Variants in BCL2L11 observed in about 807,000 individuals in gnomAD.
BCL2L11 encodes BCL2 like 11.
BCL2L11 carries 15 observed loss-of-function variants against 20.6 expected under a neutral mutation model. That is an observed-to-expected ratio of 0.73 (90% CI 0.49 to 1.12). The LOEUF is 1.12. BCL2L11 is among the 50% of genes most tolerant of loss of function. The probability of loss-of-function intolerance (pLI) is 0.00; values close to 1 mark genes in which losing one functional copy is unlikely to be tolerated. For synonymous variants in BCL2L11, 108 were observed against 92.8 expected, an observed-to-expected ratio of 1.16 and a Z score of -0.94; for missense variants, 292 against 260.9, an observed-to-expected ratio of 1.12 and a Z score of -0.82.
chr2:111,139,274 C>T (rs544074246), intron 2 of BCL2L11, among the ~76,000 whole-genome samples: 9 of 152,134 alleles, frequency 5.9e-5, no homozygotes, highest in Non-Finnish European at 1.2e-4. Flanking sequence ...GAAACCTGCC[C>T]CACCCCAGCG....
At chr2:111,156,619 G>A (rs2077891465) in intron 3 of BCL2L11, among the ~76,000 whole-genome samples, 5 of 152,140 alleles carry the variant, frequency 3.3e-5, no homozygotes, top group Admixed American at 1.3e-4. Flanking sequence ...ACTATGGATT[G>A]CTGGTTTTCC....
chr2:111,149,921 G>C lies in BCL2L11; in HGVS notation c.395-123G>C, dbSNP rs2077043188. The stretch of plus-strand genomic sequence containing the variant: ...TACATGGCTGTAGTTGTTGAAGTCA[G>C]GGAGCTCCCAGAAATGTGAAAGAGT... On this transcript the variant is annotated intron_variant, in intron 2 of 3. Coordinates refer to ENST00000393256, the MANE Select transcript of BCL2L11 (RefSeq NM_138621.5). 1.1e-5 allele frequency: 8 copies of C among 727,166 alleles called. No homozygotes were observed. In the South Asian group the frequency reaches 1.5e-4, roughly 14 times the overall value. The allele number at this position is 727,166 out of a possible 1,614,324, so 45.0% of individuals were successfully genotyped here.
At position 111,124,008 on chromosome 2, in the gene BCL2L11, T is replaced by G; in HGVS notation, c.263T>G (p.Leu88Arg). 1 of 1,614,234 alleles carries G rather than the reference T, an allele frequency of 6.2e-7. No homozygotes were observed. Among genetic ancestry groups the G allele is most frequent in the South Asian group, 1.1e-5 (1 of 91,088 alleles). Residue 88 changes from leucine (L) to arginine (R), a missense_variant, in exon 2 of 4, where the codon CTG becomes CGG. Transcript: ENST00000393256. Reference protein sequence around the residue: ...PLFIFMRRSSLLSRSSSGYFS... With the variant: ...PLFIFMRRSSRLSRSSSGYFS... ...TTCATCTTTATGAGAAGATCCTCCC[T>G]GCTGTCTCGATCCTCCAGTGGGTAT...
chr2:111,143,823 A>G (rs1183955800), intron 2 of BCL2L11, among the ~76,000 whole-genome samples: 2 of 152,186 alleles, frequency 1.3e-5, no homozygotes, highest in Admixed American at 6.5e-5. Flanking sequence ...GGTGACATGG[A>G]TAATTAGTTT....
intron 1 of BCL2L11, chr2:111,123,238 C>A (rs1466466892): frequency 1.0e-6 from 1 of 985,366 alleles, no homozygotes; most frequent in African/African-American, 1.7e-5. Context: ...GACTGACGGC[C>A]GCTGCCAGAC....
intron 2 of BCL2L11, among the ~76,000 whole-genome samples, chr2:111,128,140 T>A (rs1039392548): frequency 6.6e-6 from 1 of 152,100 alleles, no homozygotes; most frequent in Non-Finnish European, 1.5e-5. Flanking sequence ...CATTCTATTT[T>A]CTGTCTATTA....
chr2:111,149,944 A>T lies in BCL2L11; in HGVS notation c.395-100A>T, dbSNP rs2077044987. ...CAGGGAGCTCCCAGAAATGTGAAAG[A>T]GTGTGTGAGATGGGCTTGCCTCTAG... On this transcript the variant is annotated intron_variant, in intron 2 of 3. Transcript: ENST00000393256. The T allele has an allele frequency of 7.6e-6, 7 of 921,210 alleles. No homozygotes were observed. In the Admixed American group the frequency reaches 1.7e-4, roughly 23 times the overall value. 57.1% of individuals were successfully genotyped at this position (921,210 alleles called of 1,614,324 possible).
chr2:111,128,508 G>C, intron 2 of BCL2L11: 1 of 1,286,592 alleles, frequency 7.8e-7, no homozygotes, highest in Non-Finnish European at 1.0e-6. Flanking sequence ...TAATTTTTTG[G>C]GGAACCATCA....
intron 2 of BCL2L11, among the ~76,000 whole-genome samples, chr2:111,127,937 G>A (rs916071813): frequency 6.6e-6 from 1 of 152,084 alleles, no homozygotes; most frequent in African/African-American, 2.4e-5. Context: ...ATATAAACTT[G>A]TATTGCAGTT....
chr2:111,124,978 G>C (rs1162097242), intron 2 of BCL2L11, among the ~76,000 whole-genome samples: 2 of 152,184 alleles, frequency 1.3e-5, no homozygotes, highest in African/African-American at 4.8e-5. Context: ...CAGTAGTAGG[G>C]TTTGAACCAA....
chr2:111,121,787 C>T (rs2241844), intron 1 of BCL2L11, among the ~76,000 whole-genome samples: 62,683 of 152,144 alleles, frequency 0.41, 13,514 homozygotes, highest in Non-Finnish European at 0.48. Context: ...CCTGCTTGCT[C>T]TGCAGGAGTC....
At position 111,168,347 on chromosome 2, in the gene BCL2L11, G is replaced by A. The variant is rs1015369393; in HGVS notation, c.*4116G>A. On this transcript the variant is annotated 3_prime_UTR_variant, in exon 4 of 4. Coordinates refer to ENST00000393256, the MANE Select transcript of BCL2L11 (RefSeq NM_138621.5). Reference sequence around the variant, plus strand: ...TTTTGCACTGATGAATTTTGACAGGGTAATTGCCACTTTACTTGTGCAATA... The same window carrying A: ...TTTTGCACTGATGAATTTTGACAGGATAATTGCCACTTTACTTGTGCAATA... The A allele has an allele frequency of 6.6e-6, 1 of 152,626 alleles. No individual in the cohort carries two copies. Among genetic ancestry groups the A allele is most frequent in the African/African-American group, 2.4e-5 (1 of 41,448 alleles). 9.5% of individuals were successfully genotyped at this position (152,626 alleles called of 1,614,324 possible).
chr2:111,141,908 C>G (rs1385168218), intron 2 of BCL2L11, among the ~76,000 whole-genome samples: 4 of 152,072 alleles, frequency 2.6e-5, no homozygotes, highest in Non-Finnish European at 5.9e-5. Context: ...ACCATGTTGG[C>G]CAGGCTGGTC....
At chr2:111,161,944 T>C (rs2078610960) in intron 3 of BCL2L11, among the ~76,000 whole-genome samples, 1 of 152,234 alleles carries the variant, frequency 6.6e-6, no homozygotes, top group Non-Finnish European at 1.5e-5. Flanking sequence ...TTGAGCAGCG[T>C]TGAGCCATCA....
At chr2:111,126,265 A>T (rs2072583597) in intron 2 of BCL2L11, among the ~76,000 whole-genome samples, 1 of 152,180 alleles carries the variant, frequency 6.6e-6, no homozygotes, top group African/African-American at 2.4e-5. Context: ...TTATAAGTTA[A>T]GCACTGTTAC....
chr2:111,151,588 C>T (rs568756866), intron 3 of BCL2L11, among the ~76,000 whole-genome samples: 1 of 152,040 alleles, frequency 6.6e-6, no homozygotes, highest in African/African-American at 2.4e-5. Flanking sequence ...TATTATTTTT[C>T]TGCCTTTATA....
chr2:111,151,818 T>C, intron 3 of BCL2L11: 1 of 1,542,652 alleles, frequency 6.5e-7, no homozygotes, highest in South Asian at 1.2e-5. Context: ...AATACTGTCT[T>C]AAGCTGGCAA....
At position 111,129,547 on chromosome 2, in the gene BCL2L11, T is replaced by C. The variant is rs79308713; in HGVS notation, c.394+5408T>C. 3.5e-4 allele frequency among the ~76,000 whole-genome samples: 53 copies of C among 152,352 alleles called. No individual in the cohort carries two copies. The East Asian group carries it at 0.01, about 29-fold the overall frequency. On this transcript the variant is annotated intron_variant, in intron 2 of 3. Transcript: ENST00000393256. ...TTTCCTACGATGGTAACATCTTGCC[T>C]AATTATAGTATACTGTCACAACCAG...
intron 2 of BCL2L11, among the ~76,000 whole-genome samples, chr2:111,139,917 C>G (rs972708956): frequency 1.3e-5 from 2 of 152,162 alleles, no homozygotes; most frequent in Non-Finnish European, 2.9e-5. Context: ...GCACGCAGCT[C>G]TCCTCCTGTT....
Sources: gnomAD v4.1 joint callset for allele counts (sites outside exome capture counted in the v4.1 genomes callset) on GRCh38, gnomAD v4.1.1 for gene constraint, MANE v1.5 for transcripts, NCBI Gene and HGNC (gene_info 2026-07-23, HGNC 2026-07-21) for gene names.